Variants in AFAP1L2 observed in about 807,000 individuals in gnomAD.
AFAP1L2 encodes actin filament associated protein 1 like 2, also known as actin filament-associated protein 1-like 2.
A neutral mutation model predicts 99.3 loss-of-function variants in AFAP1L2; 46 were observed. That is an observed-to-expected ratio of 0.46 (90% confidence interval 0.37 to 0.59). AFAP1L2 has a LOEUF of 0.59. AFAP1L2 is among the 20% of genes least tolerant of loss of function. The pLI is 0.00. For missense variants in AFAP1L2, 959 were observed against 1,034.9 expected, an observed-to-expected ratio of 0.93 and a Z score of 1.01; for synonymous variants, 397 against 419.1, an observed-to-expected ratio of 0.95 and a Z score of 0.64.
At position 114,294,835 on chromosome 10, in the gene AFAP1L2, T is replaced by G; in HGVS notation, c.*1207A>C. On this transcript the variant is annotated 3_prime_UTR_variant, in exon 19 of 19. Transcript: ENST00000304129. ...GAACTGAGGAAAACTTCAAATACAA[T>G]GAACATTTTATTTTAAAAAACCTAA... 3 of 954,794 alleles carry G rather than the reference T, an allele frequency of 3.1e-6. No homozygotes were observed. Among genetic ancestry groups the G allele is most frequent in the Non-Finnish European group, 2.4e-6 (2 of 816,748 alleles). The allele number at this position is 954,794 out of a possible 1,614,324, so 59.1% of individuals were successfully genotyped here. A position where few individuals can be genotyped will look rare whatever the true frequency, so the allele number is the denominator to read the frequency against.
chr10:114,324,531 G>A lies in AFAP1L2; in HGVS notation c.316-1270C>T, dbSNP rs148003493. Among the ~76,000 whole-genome samples the A allele has an allele frequency of 4.6e-3, 708 of 152,350 alleles. 6 individuals are homozygous for A. The highest frequency in any genetic ancestry group is 0.016 in the African/African-American group (678 of 41,576). On this transcript the variant is annotated intron_variant, in intron 4 of 18. Transcript: ENST00000304129. ...CTCCCAAATTGTTGGGATTACAGGC[G>A]CAAGCCACCATGCCCGTGGTGTCTT... is the stretch of plus-strand genomic sequence containing the variant.
intron 10 of AFAP1L2, among the ~76,000 whole-genome samples, chr10:114,305,457 A>G (rs1270890435): frequency 8.8e-4 from 59 of 67,380 alleles, no homozygotes; most frequent in African/African-American, 1.0e-3. Flanking sequence ...GAGGGGACGC[A>G]GGTGCAGGAG....
chr10:114,299,582 A>C (rs1276428612), intron 15 of AFAP1L2, among the ~76,000 whole-genome samples, 167 bp from the exon 16 acceptor site: 1 of 152,198 alleles, frequency 6.6e-6, no homozygotes, highest in Non-Finnish European at 1.5e-5. Context: ...TTGTTTCCTA[A>C]TCTGAAAACG....
rs766929781 is a variant in AFAP1L2 at position 114,352,479 on chromosome 10, T to TAAA, written c.17-11751_17-11749dup. The stretch of plus-strand genomic sequence containing the variant: ...ACAGAGCAAGACTCTGTCTCCAAAT[T>TAAA]AAAAAAAAAAAAAAAAAAAAGCAAC... On this transcript the variant is annotated intron_variant, in intron 1 of 18. Coordinates refer to ENST00000304129, the MANE Select transcript of AFAP1L2 (RefSeq NM_001001936.3). Among the ~76,000 whole-genome samples the TAAA allele has an allele frequency of 7.0e-5, 5 of 71,372 alleles. 1 individual carries two copies. Among genetic ancestry groups the TAAA allele is most frequent in the Non-Finnish European group, 9.7e-5 (4 of 41,136 alleles). The allele number at this position is 71,372 out of a possible 152,430, so 46.8% of individuals were successfully genotyped here.
downstream of AFAP1L2, chr10:114,290,463 C>T: frequency 7.4e-6 from 11 of 1,476,596 alleles, no homozygotes; most frequent in African/African-American, 1.4e-5. Flanking sequence ...CTAAAACATT[C>T]GTTCAGTGGA....
intron 15 of AFAP1L2, 37 bp from the exon 16 acceptor site, chr10:114,299,452 G>A (rs1347412787): frequency 3.7e-6 from 6 of 1,610,860 alleles, no homozygotes. Context: ...GGTAAGCAGA[G>A]CTGGATCATG....
the AFAP1L2 span, among the ~76,000 whole-genome samples, chr10:114,283,431 A>G: frequency 6.6e-6 from 1 of 152,156 alleles, no homozygotes; most frequent in Non-Finnish European, 1.5e-5. Flanking sequence ...ATTTGGGGTT[A>G]GGTGATCCCT....
intron 6 of AFAP1L2, 94 bp downstream of exon 6, chr10:114,315,466 C>G: frequency 7.5e-6 from 10 of 1,330,104 alleles, no homozygotes; most frequent in Non-Finnish European, 1.0e-5. Context: ...CTCGAAACCT[C>G]TGAGGTCAGG....
intron 5 of AFAP1L2, among the ~76,000 whole-genome samples, chr10:114,316,138 T>G (rs1255154715): frequency 6.6e-6 from 1 of 152,156 alleles, no homozygotes; most frequent in Admixed American, 6.5e-5. Context: ...CTCTAATTCC[T>G]CAAATGAAAG....
intron 5 of AFAP1L2, among the ~76,000 whole-genome samples, chr10:114,320,768 C>A (rs902611526): frequency 6.6e-6 from 1 of 152,264 alleles, no homozygotes; most frequent in East Asian, 1.9e-4. Flanking sequence ...AACCGGCCCC[C>A]TGGTGCGTCT....
intron 2 of AFAP1L2, among the ~76,000 whole-genome samples, chr10:114,336,866 T>G (rs2048052864): frequency 6.6e-6 from 1 of 152,134 alleles, no homozygotes; most frequent in Non-Finnish European, 1.5e-5. Context: ...AAATTTGTGT[T>G]ACACTGAGAA....
chr10:114,282,466 C>A, the AFAP1L2 span: 2 of 1,456,464 alleles, frequency 1.4e-6, no homozygotes, highest in South Asian at 1.1e-5. Flanking sequence ...GTTTTCTGCC[C>A]TCCCCTTACA....
chr10:114,387,290 G>A (rs1433100998), intron 1 of AFAP1L2, among the ~76,000 whole-genome samples: 1 of 152,196 alleles, frequency 6.6e-6, no homozygotes, highest in Non-Finnish European at 1.5e-5. Context: ...GCATTGTGAG[G>A]AAAGTGGTGA....
intron 5 of AFAP1L2, among the ~76,000 whole-genome samples, chr10:114,322,786 C>G (rs1275983198): frequency 6.6e-6 from 1 of 152,216 alleles, no homozygotes; most frequent in African/African-American, 2.4e-5. Flanking sequence ...TCAGCCTGAC[C>G]GCCACTTCCA....
intron 1 of AFAP1L2, among the ~76,000 whole-genome samples, chr10:114,374,330 G>A (rs1343649982): frequency 1.3e-5 from 2 of 152,172 alleles, no homozygotes; most frequent in East Asian, 1.9e-4. Flanking sequence ...AACTTTCTTC[G>A]TGAGACAAAC....
chr10:114,331,408 G>A (rs1031126466), intron 4 of AFAP1L2, among the ~76,000 whole-genome samples: 1 of 152,178 alleles, frequency 6.6e-6, no homozygotes, highest in Non-Finnish European at 1.5e-5. Context: ...CAAGCCTCCT[G>A]CCTCAGCCTC....
At chr10:114,357,811 C>T (rs7100088) in intron 1 of AFAP1L2, among the ~76,000 whole-genome samples, 14,834 of 152,238 alleles carry the variant, frequency 0.097, 1,879 homozygotes, top group African/African-American at 0.29. Context: ...TTAGAATCAA[C>T]CATTAGTCAA....
downstream of AFAP1L2, among the ~76,000 whole-genome samples, chr10:114,292,983 A>G (rs502568): frequency 0.042 from 6,428 of 152,334 alleles, 193 homozygotes; most frequent in African/African-American, 0.08. Context: ...CTGGGATTAC[A>G]GGGGTGAACC....
chr10:114,289,700 CT>C, the AFAP1L2 span: 4 of 603,456 alleles, frequency 6.6e-6, no homozygotes, highest in Non-Finnish European at 1.2e-5. Flanking sequence ...GAAAGTTTAA[CT>C]AACATAGATA....
Sources: gnomAD v4.1 joint callset for allele counts (sites outside exome capture counted in the v4.1 genomes callset) on GRCh38, gnomAD v4.1.1 for gene constraint, MANE v1.5 for transcripts, NCBI Gene and HGNC (gene_info 2026-07-23, HGNC 2026-07-21) for gene names.